Variants in MAN2A1 observed in about 807,000 individuals in gnomAD.
The protein encoded by MAN2A1 is mannosidase alpha class 2A member 1, also known as alpha-mannosidase 2.
A neutral mutation model predicts 142.6 loss-of-function variants in MAN2A1; 76 were observed. That is an observed-to-expected ratio of 0.53 (90% CI 0.44 to 0.65). The LOEUF (loss-of-function observed/expected upper bound fraction) is 0.65, where lower values mean the gene tolerates loss of function less well. Among genes scored for constraint, MAN2A1 ranks in the 30% least tolerant of loss-of-function variants. The pLI is 0.00. For missense variants in MAN2A1, 1,311 were observed against 1,365.1 expected, an observed-to-expected ratio of 0.96 and a Z score of 0.62; for synonymous variants, 559 against 473.2, an observed-to-expected ratio of 1.18 and a Z score of -2.35.
At chr5:109,812,012 G>A (rs758001126) in intron 12 of MAN2A1, among the ~76,000 whole-genome samples, 4 of 152,052 alleles carry the variant, frequency 2.6e-5, no homozygotes, top group Non-Finnish European at 2.9e-5. Flanking sequence ...TTGTTAAATC[G>A]TTCACTGTAC....
chr5:109,842,253 T>C (rs1034431492), intron 16 of MAN2A1, 75 bp from the exon 17 acceptor site: 1 of 916,040 alleles, frequency 1.1e-6, no homozygotes, highest in Non-Finnish European at 1.6e-6. Context: ...TGGAAAGAGT[T>C]CTGTATAGTA....
chr5:109,814,143 G>A (rs1754392239), intron 12 of MAN2A1, among the ~76,000 whole-genome samples: 1 of 152,128 alleles, frequency 6.6e-6, no homozygotes. Flanking sequence ...GAAGAAAAAA[G>A]CACTGACCTT....
chr5:109,752,463 A>G (rs1752572676), intron 4 of MAN2A1, among the ~76,000 whole-genome samples: 1 of 152,232 alleles, frequency 6.6e-6, no homozygotes, highest in Non-Finnish European at 1.5e-5. Flanking sequence ...ACGTGAACAA[A>G]ACACATTCTA....
intron 12 of MAN2A1, among the ~76,000 whole-genome samples, chr5:109,806,162 G>A (rs1374516688): frequency 6.6e-6 from 1 of 152,136 alleles, no homozygotes; most frequent in Admixed American, 6.5e-5. Context: ...ATGGGATTCT[G>A]AGTGCTCTAG....
chr5:109,764,476 T>C (rs1374329127), intron 5 of MAN2A1, among the ~76,000 whole-genome samples: 1 of 152,194 alleles, frequency 6.6e-6, no homozygotes, highest in Non-Finnish European at 1.5e-5. Context: ...TACTTTTTCC[T>C]AAGTTTGCCC....
At position 109,868,683 on chromosome 5, in the gene MAN2A1, T is replaced by C. The variant is rs952244194; in HGVS notation, c.*1685T>C. 6.6e-6 allele frequency: 1 copy of C among 152,216 alleles called. No homozygotes were observed. The highest frequency in any genetic ancestry group is 2.4e-5 in the African/African-American group (1 of 41,466). The allele number at this position is 152,216 out of a possible 1,614,324, so 9.4% of individuals were successfully genotyped here. On this transcript the variant is annotated 3_prime_UTR_variant, in exon 22 of 22. Transcript: ENST00000261483. ...GAAACAATACCAGTGTTGATAAAGATATTACAAGGGGTAATTTCATGCAAT... is the reference window on the plus strand; with the variant it reads ...GAAACAATACCAGTGTTGATAAAGACATTACAAGGGGTAATTTCATGCAAT...
At position 109,716,145 on chromosome 5, in the gene MAN2A1, C is replaced by A. The variant is rs371421984; in HGVS notation, c.416C>A (p.Ser139Tyr). 10 of 1,609,192 alleles carry A rather than the reference C, an allele frequency of 6.2e-6. No homozygotes were observed. The Admixed American group carries it at 1.3e-4, about 22-fold the overall frequency. ...VQMLDVYSLI[S>Y]FDNPDGGVWK... is the part of the protein sequence containing the mutation. Reference sequence around the variant, plus strand: ...ATGTTGGATGTTTACAGTCTAATTTCTTTTGACAATCCAGATGGTGGAGTT... The same window carrying A: ...ATGTTGGATGTTTACAGTCTAATTTATTTTGACAATCCAGATGGTGGAGTT... The change falls in exon 3 of 22, where the codon TCT becomes TAT. Residue 139 changes from serine (S) to tyrosine (Y), a missense_variant. This residue lies in a region of MAN2A1 where 409 missense variants were observed against 412.7 expected (regional missense o/e 0.99). Transcript: ENST00000261483.
intron 1 of MAN2A1, among the ~76,000 whole-genome samples, chr5:109,693,371 T>C (rs547748296): frequency 6.6e-6 from 1 of 152,022 alleles, no homozygotes; most frequent in Admixed American, 6.6e-5. Flanking sequence ...GGGTATTGAA[T>C]TCTTGAGTTT....
In MAN2A1 at chr5:109,867,886, G is replaced by C. The variant is rs934579532; in HGVS notation, c.*888G>C. 6.6e-6 allele frequency: 1 copy of C among 152,074 alleles called. No individual in the cohort carries two copies. Among genetic ancestry groups the C allele is most frequent in the Non-Finnish European group, 1.5e-5 (1 of 67,998 alleles). 9.4% of individuals were successfully genotyped at this position (152,074 alleles called of 1,614,324 possible). A position where few individuals can be genotyped will look rare whatever the true frequency, so the allele number is the denominator to read the frequency against. ...ATCAGTGTCCATATTACTGTTTGGG[G>C]AAGGGGGAATGTTGTGGGGTCTGGG... On this transcript the variant is annotated 3_prime_UTR_variant, in exon 22 of 22. Transcript: ENST00000261483.
At position 109,867,073 on chromosome 5, in the gene MAN2A1, C is replaced by A; in HGVS notation, c.*75C>A. Reference sequence around the variant, plus strand: ...TGGTTTGACGTGCAATAAAGAAGCACATTATTTTAGCTTCTGGCTACTGTG... The same window carrying A: ...TGGTTTGACGTGCAATAAAGAAGCAAATTATTTTAGCTTCTGGCTACTGTG... On this transcript the variant is annotated 3_prime_UTR_variant, in exon 22 of 22. Transcript: ENST00000261483. 3 of 1,147,852 alleles carry A rather than the reference C, an allele frequency of 2.6e-6. No homozygotes were observed. Among genetic ancestry groups the A allele is most frequent in the Non-Finnish European group, 2.4e-6 (2 of 846,594 alleles). The allele number at this position is 1,147,852 out of a possible 1,614,324, so 71.1% of individuals were successfully genotyped here.
rs377576507 is a variant in MAN2A1 at position 109,842,434 on chromosome 5, A to G, written c.2673A>G (p.Arg891=). Residue 891 remains arginine, a synonymous_variant, in exon 17 of 22, where the codon AGA becomes AGG. Transcript: ENST00000261483. ...KISSDIKSQN[R]FYTDLNGYQI... is the part of the protein sequence containing the mutation. ...CTTCTGATATAAAAAGCCAAAATAGATTTTATACTGACCTAAATGGGTACC... is the reference window on the plus strand; with the variant it reads ...CTTCTGATATAAAAAGCCAAAATAGGTTTTATACTGACCTAAATGGGTACC... 3.7e-5 allele frequency: 59 copies of G among 1,578,532 alleles called. No homozygotes were observed. The highest frequency in any genetic ancestry group is 5.0e-5 in the Non-Finnish European group (57 of 1,150,972).
intron 1 of MAN2A1, among the ~76,000 whole-genome samples, chr5:109,708,954 G>C (rs1473692266): frequency 6.6e-6 from 1 of 152,136 alleles, no homozygotes; most frequent in African/African-American, 2.4e-5. Context: ...GTCTCCTCTG[G>C]AAACACTCTC....
At chr5:109,736,156 C>T (rs1161644319) in intron 4 of MAN2A1, among the ~76,000 whole-genome samples, 1 of 151,970 alleles carries the variant, frequency 6.6e-6, no homozygotes, top group Non-Finnish European at 1.5e-5. Flanking sequence ...GATTAATATA[C>T]CAGGATATGC....
intron 18 of MAN2A1, among the ~76,000 whole-genome samples, chr5:109,846,440 G>A (rs1755346486): frequency 6.6e-6 from 1 of 152,160 alleles, no homozygotes; most frequent in Admixed American, 6.6e-5. Context: ...CCACCTGAAA[G>A]AAGGAAGGGA....
At chr5:109,834,245 A>G (rs1755004214) in intron 16 of MAN2A1, among the ~76,000 whole-genome samples, 1 of 152,110 alleles carries the variant, frequency 6.6e-6, no homozygotes, top group African/African-American at 2.4e-5. Context: ...AGACCAGCCC[A>G]AGCCTGGGAC....
chr5:109,781,895 C>T (rs965084653), intron 9 of MAN2A1, among the ~76,000 whole-genome samples: 2 of 152,106 alleles, frequency 1.3e-5, no homozygotes, highest in Non-Finnish European at 2.9e-5. Context: ...GTGTTATTTG[C>T]ACACCATATT....
intron 10 of MAN2A1, among the ~76,000 whole-genome samples, chr5:109,788,005 C>A (rs1055644154): frequency 1.9e-4 from 29 of 151,586 alleles, no homozygotes; most frequent in African/African-American, 6.8e-4. Flanking sequence ...TAATGCTCTG[C>A]AAAAAAGAAG....
intron 4 of MAN2A1, among the ~76,000 whole-genome samples, chr5:109,747,450 C>G (rs1316800177): frequency 6.6e-6 from 1 of 152,074 alleles, no homozygotes; most frequent in Non-Finnish European, 1.5e-5. Flanking sequence ...TGTTCTGTCA[C>G]TGTATGGATG....
intron 6 of MAN2A1, among the ~76,000 whole-genome samples, chr5:109,769,744 T>C (rs1010158174): frequency 2.6e-5 from 4 of 152,222 alleles, no homozygotes; most frequent in Non-Finnish European, 4.4e-5. Context: ...GCTTCTTTGT[T>C]GGTGAAAAGT....
Sources: gnomAD v4.1 joint callset for allele counts (sites outside exome capture counted in the v4.1 genomes callset) on GRCh38, gnomAD v4.1.1 for gene constraint, gnomAD v4.1.1 regional missense constraint, MANE v1.5 for transcripts, NCBI Gene and HGNC (gene_info 2026-07-23, HGNC 2026-07-21) for gene names.